Variants in SYCP1 observed in about 807,000 individuals in gnomAD.
SYCP1 encodes cancer/testis antigen 8.
Under a neutral mutation model 153.1 loss-of-function variants are expected in SYCP1, and 64 were observed. That is an observed-to-expected ratio of 0.42 (90% CI 0.34 to 0.51). The LOEUF (loss-of-function observed/expected upper bound fraction) is 0.51. SYCP1 is among the 20% of genes least tolerant of loss of function. The pLI, the probability that SYCP1 is intolerant of heterozygous loss-of-function variation, is 0.06. For synonymous variants in SYCP1, 384 were observed against 341.8 expected, an observed-to-expected ratio of 1.12 and a Z score of -1.36; for missense variants, 997 against 1,049.0, an observed-to-expected ratio of 0.95 and a Z score of 0.68.
chr1:114,987,469 C>T (rs1260508765), intron 30 of SYCP1, among the ~76,000 whole-genome samples: 6 of 151,904 alleles, frequency 3.9e-5, no homozygotes, highest in Non-Finnish European at 8.8e-5. Flanking sequence ...GAGTTTGAGA[C>T]TAAGTTGGGC....
At chr1:114,900,311 C>T (rs905731267) in intron 16 of SYCP1, among the ~76,000 whole-genome samples, 1 of 151,256 alleles carries the variant, frequency 6.6e-6, no homozygotes, top group Admixed American at 6.6e-5. Context: ...GATGGAATTT[C>T]GCTCTGTCAC....
At chr1:114,924,094 C>G (rs937041556) in intron 21 of SYCP1, among the ~76,000 whole-genome samples, 1 of 151,926 alleles carries the variant, frequency 6.6e-6, no homozygotes, top group Non-Finnish European at 1.5e-5. Flanking sequence ...CTGGGTGTTA[C>G]GTTTGGATTT....
intron 8 of SYCP1, among the ~76,000 whole-genome samples, chr1:114,871,810 T>G (rs1273737732): frequency 1.3e-5 from 2 of 152,196 alleles, no homozygotes; most frequent in Non-Finnish European, 2.9e-5. Context: ...GGTCTTGAAC[T>G]CCTGACCTCA....
chr1:114,883,040 C>A (rs921868676), intron 12 of SYCP1, among the ~76,000 whole-genome samples: 3 of 152,196 alleles, frequency 2.0e-5, no homozygotes, highest in Admixed American at 6.5e-5. Context: ...TCTGCAAATG[C>A]CCTCTGGGCA....
intron 17 of SYCP1, among the ~76,000 whole-genome samples, chr1:114,911,162 A>G (rs1336876605): frequency 2.0e-5 from 3 of 152,040 alleles, no homozygotes; most frequent in South Asian, 2.1e-4. Context: ...GATTTCATCA[A>G]TTAATATATT....
At chr1:114,893,708 C>T (rs913230157) in intron 15 of SYCP1, among the ~76,000 whole-genome samples, 2 of 151,946 alleles carry the variant, frequency 1.3e-5, no homozygotes, top group Admixed American at 1.3e-4. Flanking sequence ...TTCTTCTTTT[C>T]CCACTTGTGT....
intron 23 of SYCP1, among the ~76,000 whole-genome samples, chr1:114,933,211 A>C (rs1454129967): frequency 6.6e-6 from 1 of 152,204 alleles, no homozygotes; most frequent in East Asian, 1.9e-4. Context: ...CAGAGGAACG[A>C]TCAGGCAGCA....
At chr1:114,975,437 T>G (rs1349581518) in intron 27 of SYCP1, among the ~76,000 whole-genome samples, 1 of 151,416 alleles carries the variant, frequency 6.6e-6, no homozygotes, top group African/African-American at 2.4e-5. Context: ...TAAAATAATG[T>G]ATCTAATACT....
chr1:114,885,224 T>C (rs1423268432), intron 12 of SYCP1, among the ~76,000 whole-genome samples: 1 of 152,170 alleles, frequency 6.6e-6, no homozygotes, highest in African/African-American at 2.4e-5. Flanking sequence ...AGTGGCTACA[T>C]GGTATACCAT....
intron 30 of SYCP1, 86 bp from the exon 31 acceptor site, chr1:114,994,612 C>A: frequency 9.7e-7 from 1 of 1,025,774 alleles, no homozygotes; most frequent in Non-Finnish European, 1.3e-6. Flanking sequence ...CTTTGTTCTC[C>A]TCACATGTGA....
chr1:114,878,192 G>A lies in SYCP1; in HGVS notation c.900G>A (p.Glu300=), dbSNP rs1433876562. The part of the protein sequence containing the change: ...EESRDKVNQL[E]EKTKLQSENL... ...CCAGAGATAAAGTTAATCAATTAGA[G>A]GAAAAGACAAGTAAGAGTTTATATA... The change falls in exon 12 of 32, where the codon GAG becomes GAA. Residue 300 remains glutamate, a synonymous_variant. Coordinates refer to ENST00000369522, the MANE Select transcript of SYCP1 (RefSeq NM_003176.4). 1 of 1,538,984 alleles carries A rather than the reference G, an allele frequency of 6.5e-7. No homozygotes were observed. The highest frequency in any genetic ancestry group is 1.4e-5 in the African/African-American group (1 of 72,470).
chr1:114,876,574 A>G (rs1251818483), intron 10 of SYCP1, among the ~76,000 whole-genome samples, 163 bp from the exon 11 acceptor site: 1 of 151,614 alleles, frequency 6.6e-6, no homozygotes, highest in African/African-American at 2.4e-5. Context: ...ATTTTACTAA[A>G]CAGAAAGGAA....
intron 30 of SYCP1, among the ~76,000 whole-genome samples, chr1:114,985,888 A>T (rs1471736023): frequency 6.6e-6 from 1 of 150,944 alleles, no homozygotes; most frequent in East Asian, 2.0e-4. Flanking sequence ...CTGTGTATTC[A>T]ACCAACTACA....
chr1:114,934,990 C>T (rs1669898050), intron 23 of SYCP1, among the ~76,000 whole-genome samples: 1 of 152,140 alleles, frequency 6.6e-6, no homozygotes, highest in African/African-American at 2.4e-5. Context: ...CAACATTAGA[C>T]AGATCAATGA....
chr1:114,944,728 C>G (rs956516702), intron 24 of SYCP1, 144 bp from the exon 25 acceptor site: 3 of 679,732 alleles, frequency 4.4e-6, no homozygotes, highest in Non-Finnish European at 7.4e-6. Context: ...CCGAAAAAAC[C>G]CCAAACAGTG....
intron 15 of SYCP1, among the ~76,000 whole-genome samples, chr1:114,890,216 A>G (rs1418095178): frequency 1.3e-5 from 2 of 152,084 alleles, no homozygotes; most frequent in Non-Finnish European, 2.9e-5. Flanking sequence ...GCTTAAATAC[A>G]TAAAACCCTT....
At chr1:114,885,753 T>A in intron 13 of SYCP1, 124 bp downstream of exon 13, 1 of 580,262 alleles carries the variant, frequency 1.7e-6, no homozygotes, top group Non-Finnish European at 2.9e-6. Context: ...GAAGACACAA[T>A]CCTAGTCTGC....
chr1:114,883,795 T>C (rs747593715), intron 12 of SYCP1, among the ~76,000 whole-genome samples: 16 of 152,100 alleles, frequency 1.1e-4, no homozygotes, highest in Non-Finnish European at 1.8e-4. Flanking sequence ...CTGGTTCAGG[T>C]GATTCTCCTG....
chr1:114,857,136 C>CAAAAAAAAAAA (rs71582509), intron 3 of SYCP1, 96 bp from the exon 4 acceptor site: 3,625 of 244,720 alleles, frequency 0.015, 217 homozygotes, highest in Non-Finnish European at 0.018. Flanking sequence ...CTCTCTCTCT[C>CAAAAAAAAAAA]AAAAAAAAAA....
Sources: gnomAD v4.1 joint callset for allele counts (sites outside exome capture counted in the v4.1 genomes callset) on GRCh38, gnomAD v4.1.1 for gene constraint, MANE v1.5 for transcripts, NCBI Gene and HGNC (gene_info 2026-07-23, HGNC 2026-07-21) for gene names.